Variants in LOXL1 observed in about 807,000 individuals in gnomAD.
LOXL1 encodes lysyl oxidase homolog 1.
A neutral mutation model predicts 62.2 loss-of-function variants in LOXL1; 31 were observed. The ratio of observed to expected loss-of-function variants is 0.50; its 90% CI spans 0.37 to 0.67. LOXL1 has a LOEUF of 0.67. Ranked by LOEUF, LOXL1 falls within the 30% of genes least tolerant of loss-of-function variation. The probability of loss-of-function intolerance (pLI) is 0.00; values close to 1 mark genes in which losing one functional copy is unlikely to be tolerated. For missense variants in LOXL1, 775 were observed against 843.4 expected, an observed-to-expected ratio of 0.92 and a Z score of 1.00; for synonymous variants, 403 against 384.4, an observed-to-expected ratio of 1.05 and a Z score of -0.56.
chr15:73,937,855 C>A (rs2068684924), intron 1 of LOXL1, among the ~76,000 whole-genome samples: 1 of 152,212 alleles, frequency 6.6e-6, no homozygotes, highest in Non-Finnish European at 1.5e-5. Context: ...GTGCTGGGGG[C>A]TTGGGAGAAG....
chr15:73,929,828 G>A (rs1422686494), intron 1 of LOXL1, among the ~76,000 whole-genome samples: 1 of 152,250 alleles, frequency 6.6e-6, no homozygotes, highest in Non-Finnish European at 1.5e-5. Flanking sequence ...CCACCTCTGG[G>A]CAGAGAAAAC....
chr15:73,929,645 T>C (rs545312599), intron 1 of LOXL1, among the ~76,000 whole-genome samples: 2 of 152,380 alleles, frequency 1.3e-5, no homozygotes, highest in African/African-American at 4.8e-5. Flanking sequence ...ATCCACCTGC[T>C]CTGGTCCTTA....
intron 1 of LOXL1, among the ~76,000 whole-genome samples, chr15:73,934,000 C>T (rs896307378): frequency 6.6e-6 from 1 of 152,218 alleles, no homozygotes; most frequent in African/African-American, 2.4e-5. Flanking sequence ...ACCCAGAAAC[C>T]AGGCATTGCA....
In LOXL1 at chr15:73,947,635, G is replaced by A. The variant is rs2068757319; in HGVS notation, c.1507-172G>A. 15 of 541,346 alleles carry A rather than the reference G, an allele frequency of 2.8e-5. No homozygotes were observed. The South Asian group carries it at 4.0e-4, about 14-fold the overall frequency. The allele number at this position is 541,346 out of a possible 1,614,324, so 33.5% of individuals were successfully genotyped here. On this transcript the variant is annotated intron_variant, in intron 4 of 6. Transcript: ENST00000261921. ...CTATTAGATATCTGTCTTTCCTCTGGTCCATCTAGCCAGTGGCTTTAGGAA... is the reference window on the plus strand; with the variant it reads ...CTATTAGATATCTGTCTTTCCTCTGATCCATCTAGCCAGTGGCTTTAGGAA...
At chr15:73,937,932 G>T (rs549655250) in intron 1 of LOXL1, among the ~76,000 whole-genome samples, 39 of 152,226 alleles carry the variant, frequency 2.6e-4, no homozygotes, top group African/African-American at 8.7e-4. Flanking sequence ...GGAGGGGCAC[G>T]TACGGCCGTT....
At chr15:73,933,889 T>A (rs757826336) in intron 1 of LOXL1, among the ~76,000 whole-genome samples, 3 of 152,252 alleles carry the variant, frequency 2.0e-5, no homozygotes, top group Non-Finnish European at 4.4e-5. Context: ...CCTAGCCGCC[T>A]CATTTCCACA....
chr15:73,949,488 G>C lies in LOXL1; in HGVS notation c.1632G>C (p.Leu544Phe). The change falls in exon 6 of 7, where the codon TTG becomes TTC. Residue 544 changes from leucine to phenylalanine, a missense_variant. Coordinates refer to ENST00000261921, the MANE Select transcript of LOXL1 (RefSeq NM_005576.4). ...ACGTGAACCCAAAGTATATTGTTTT[G>C]GAGTCTGACTTCACCAACAACGTGG... ...KVHVNPKYIV[L>F]ESDFTNNVVR... is the part of the protein sequence containing the mutation. 1 of 1,613,650 alleles carries C rather than the reference G, an allele frequency of 6.2e-7. No individual in the cohort carries two copies. The highest frequency in any genetic ancestry group is 8.5e-7 in the Non-Finnish European group (1 of 1,179,624).
intron 4 of LOXL1, 36 bp from the exon 5 acceptor site, chr15:73,947,771 G>A: frequency 6.9e-7 from 1 of 1,439,358 alleles, no homozygotes; most frequent in East Asian, 2.3e-5. Context: ...TGGGAAACAA[G>A]CAGCATCACA....
rs761303432 is a variant in LOXL1, at chr15:73,927,618, T to C, written c.835T>C (p.Tyr279His). The C allele has an allele frequency of 6.7e-7, 1 of 1,492,012 alleles. No homozygotes were observed. Among genetic ancestry groups the C allele is most frequent in the Non-Finnish European group, 8.9e-7 (1 of 1,127,532 alleles). 92.4% of individuals were successfully genotyped at this position (1,492,012 alleles called of 1,614,324 possible). The change falls in exon 1 of 7, where the codon TAC becomes CAC. Residue 279 changes from tyrosine to histidine, a missense_variant. By Grantham distance (83) the Tyr-to-His change is moderately conservative. Transcript: ENST00000261921. ...GGACCGCCGCTACTCGCACAGTCTG[T>C]ACAGCGAGGGCACCCCCGGCTTCGA... Reference protein sequence around the residue: ...GLDRRYSHSLYSEGTPGFEQA... With the variant: ...GLDRRYSHSLHSEGTPGFEQA...
chr15:73,943,879 C>T (rs1481866899), intron 2 of LOXL1, among the ~76,000 whole-genome samples: 1 of 152,150 alleles, frequency 6.6e-6, no homozygotes, highest in Non-Finnish European at 1.5e-5. Flanking sequence ...ACTTCTAGTT[C>T]ACTGCCACTC....
intron 1 of LOXL1, among the ~76,000 whole-genome samples, chr15:73,938,275 G>GTATCTATCTGTC (rs1555433295): frequency 1.4e-5 from 2 of 140,610 alleles, no homozygotes; most frequent in African/African-American, 5.4e-5. Flanking sequence ...GCTAGACTCC[G>GTATCTATCTGTC]TATCTATCTA....
At chr15:73,948,689 C>T (rs970619896) in intron 5 of LOXL1, among the ~76,000 whole-genome samples, 9 of 152,222 alleles carry the variant, frequency 5.9e-5, no homozygotes, top group African/African-American at 2.2e-4. Flanking sequence ...GAGTGCTCTT[C>T]AGCAGGCTCC....
At chr15:73,948,013 C>T (rs2304721) in intron 5 of LOXL1, 111 bp downstream of exon 5, 25 of 719,982 alleles carry the variant, frequency 3.5e-5, no homozygotes, top group African/African-American at 1.8e-4. Flanking sequence ...CCCCAGCTGC[C>T]GAGCAGAGGC....
chr15:73,933,508 G>T, intron 1 of LOXL1, among the ~76,000 whole-genome samples: 1 of 152,220 alleles, frequency 6.6e-6, no homozygotes, highest in East Asian at 1.9e-4. Context: ...GGAGCCATTA[G>T]TACCATTATG....
chr15:73,947,936 C>G, intron 5 of LOXL1, 34 bp downstream of exon 5: 1 of 1,508,626 alleles, frequency 6.6e-7, no homozygotes, highest in Non-Finnish European at 9.2e-7. Flanking sequence ...TCCCTCCAAC[C>G]TGATGTTCAT....
chr15:73,926,831 C>T lies in LOXL1; in HGVS notation c.48C>T (p.Gly16=), dbSNP rs1199941658. ...GSRQLGALVW[G]ACLCVLVHGQ... ...GGCAGCTGGGGGCCCTGGTGTGGGG[C>T]GCCTGCCTGTGCGTGCTGGTGCACG... The change falls in exon 1 of 7, where the codon GGC becomes GGT. Residue 16 remains glycine, a synonymous_variant. Transcript: ENST00000261921. 1.3e-6 allele frequency: 2 copies of T among 1,529,286 alleles called. No homozygotes were observed. The highest frequency in any genetic ancestry group is 2.0e-5 in the Admixed American group (1 of 48,884). 94.7% of individuals were successfully genotyped at this position (1,529,286 alleles called of 1,614,324 possible).
rs771649309 is a variant in LOXL1 at position 73,942,896 on chromosome 15, C to T, written c.1145C>T (p.Ser382Phe). 11 of 1,613,996 alleles carry T rather than the reference C, an allele frequency of 6.8e-6. No homozygotes were observed. Among genetic ancestry groups the T allele is most frequent in the Non-Finnish European group, 9.3e-6 (11 of 1,179,952 alleles). Residue 382 changes from serine (S) to phenylalanine (F), a missense_variant, in exon 2 of 7, where the codon TCC becomes TTC. Transcript: ENST00000261921. ...CCAGACCCCAACTATGTGCAAGCATCCACTTATGTGCAGAGAGCCCACCTG... is the reference window on the plus strand; with the variant it reads ...CCAGACCCCAACTATGTGCAAGCATTCACTTATGTGCAGAGAGCCCACCTG... The part of the protein sequence containing the change: ...LVPDPNYVQA[S>F]TYVQRAHLYS...
At chr15:73,936,601 C>T (rs1053080755) in intron 1 of LOXL1, among the ~76,000 whole-genome samples, 4 of 152,204 alleles carry the variant, frequency 2.6e-5, no homozygotes, top group Non-Finnish European at 5.9e-5. Context: ...TTCCACTTTC[C>T]ATCATTTGCC....
intron 2 of LOXL1, among the ~76,000 whole-genome samples, chr15:73,944,316 G>A (rs1339852342): frequency 6.6e-6 from 1 of 152,252 alleles, no homozygotes; most frequent in Non-Finnish European, 1.5e-5. Context: ...GAAGGATCCT[G>A]AGTGCCCGGA....
Sources: gnomAD v4.1 joint callset for allele counts (sites outside exome capture counted in the v4.1 genomes callset) on GRCh38, gnomAD v4.1.1 for gene constraint, MANE v1.5 for transcripts, NCBI Gene and HGNC (gene_info 2026-07-23, HGNC 2026-07-21) for gene names.